Variants in CDH26 observed in about 807,000 individuals in gnomAD.
The protein encoded by CDH26 is cadherin-like protein 26.
CDH26 carries 83 observed loss-of-function variants against 90.3 expected under a neutral mutation model. The observed-to-expected ratio is 0.92, with a 90% CI of 0.77 to 1.10. The LOEUF (loss-of-function observed/expected upper bound fraction) is 1.10. Among genes scored for constraint, CDH26 ranks in the 50% least tolerant of loss-of-function variants. The probability of loss-of-function intolerance (pLI) is 0.00; values close to 1 mark genes in which losing one functional copy is unlikely to be tolerated. For synonymous variants in CDH26, 397 were observed against 396.3 expected (o/e 1.00, Z -0.02); for missense variants, 1,013 against 1,037.6 (o/e 0.98, Z 0.33).
intron 7 of CDH26, among the ~76,000 whole-genome samples, chr20:60,021,849 TACACACACACACACACACACACAC>T (rs757813328): frequency 9.4e-5 from 4 of 42,630 alleles, no homozygotes; most frequent in Admixed American, 3.3e-4. Flanking sequence ...TCCTTATCTG[TACACACACACACACACACACACAC>T]ACACACACAC....
At chr20:60,010,338 A>G (rs541508138) in intron 17 of CDH26, among the ~76,000 whole-genome samples, 1 of 152,208 alleles carries the variant, frequency 6.6e-6, no homozygotes, top group African/African-American at 2.4e-5. Flanking sequence ...GACTGTTTTC[A>G]TGCCCTACAT....
intron 7 of CDH26, among the ~76,000 whole-genome samples, chr20:60,021,883 C>CAT (rs1192514496): frequency 0.013 from 858 of 65,518 alleles, 46 homozygotes; most frequent in South Asian, 0.025. Flanking sequence ...CACACACACA[C>CAT]ACACACACAC....
rs369382469 is a variant in CDH26, at chr20:59,958,796, G to C, written c.69+1G>C. The C allele has an allele frequency of 1.9e-6, 3 of 1,613,232 alleles. No homozygotes were observed. The African/African-American group carries it at 4.0e-5, about 22-fold the overall frequency. On this transcript the variant is annotated splice_donor_variant, in intron 1 of 17. Coordinates refer to ENST00000348616, the MANE Select transcript of CDH26 (RefSeq NM_177980.4). LOFTEE classifies it high-confidence loss of function. Reference sequence around the variant, plus strand: ...AGTGCTGCTGCTGTGGCTGCTGCAGGTAAGCTGAGCCTGCAGCCTAGTGCT... The same window carrying C: ...AGTGCTGCTGCTGTGGCTGCTGCAGCTAAGCTGAGCCTGCAGCCTAGTGCT...
At chr20:60,033,557 G>A (rs2062060573) in exon 9 of CDH26, 2 of 1,304,378 alleles carry the variant, frequency 1.5e-6, no homozygotes, top group Non-Finnish European at 2.0e-6. Flanking sequence ...AAATGAACAA[G>A]GTGGGGTTCG....
chr20:59,987,556 A>G lies in CDH26; in HGVS notation c.941A>G (p.Asn314Ser). 6.2e-7 allele frequency: 1 copy of G among 1,614,040 alleles called. No homozygotes were observed. The highest frequency in any genetic ancestry group is 8.5e-7 in the Non-Finnish European group (1 of 1,179,918). ...PFTSAWRAKFNILHGNEEGHF... is the reference protein window; with the variant it reads ...PFTSAWRAKFSILHGNEEGHF... ...ACATCAGCTTGGAGAGCAAAATTCA[A>G]CATATTGCATGGCAATGAAGAGGGG... is the stretch of plus-strand genomic sequence containing the variant. Residue 314 changes from asparagine to serine, a missense_variant, in exon 8 of 18, where the codon AAC becomes AGC. Transcript: ENST00000348616.
At chr20:60,019,558 A>T (rs1053011459) in intron 7 of CDH26, among the ~76,000 whole-genome samples, 6 of 152,136 alleles carry the variant, frequency 3.9e-5, no homozygotes, top group Admixed American at 2.0e-4. Context: ...CTTTTTAATT[A>T]TATCTACCTT....
rs76758231 is a variant in CDH26, at chr20:60,001,379, T to G, written c.2134T>G (p.Ser712Ala). Residue 712 changes from serine to alanine, a missense_variant, in exon 15 of 18, where the codon TCA becomes GCA. Transcript: ENST00000348616. The stretch of plus-strand genomic sequence containing the variant: ...AGTGCCTCCATCTGCAGCGAGTCAG[T>G]CAGCCCAAGCACGCTGTGCTCTGGG... Reference protein sequence around the residue: ...EEVPPSAASQSAQARCALGSW... With the variant: ...EEVPPSAASQAAQARCALGSW... The G allele has an allele frequency of 2.0e-3, 3,259 of 1,614,070 alleles. 68 individuals are homozygous for G. The African/African-American group carries it at 0.039, about 19-fold the overall frequency.
chr20:60,015,631 A>G (rs529263613), downstream of CDH26, among the ~76,000 whole-genome samples: 3 of 152,002 alleles, frequency 2.0e-5, no homozygotes, highest in South Asian at 4.2e-4. Flanking sequence ...CGTTTGATAT[A>G]ATCCTATTTG....
chr20:59,996,015 G>A lies in CDH26; in HGVS notation c.1849G>A (p.Ala617Thr), dbSNP rs781357009. The change falls in exon 12 of 18, where the codon GCC becomes ACC. Residue 617 changes from alanine to threonine, a missense_variant. Coordinates refer to ENST00000348616, the MANE Select transcript of CDH26 (RefSeq NM_177980.4). The part of the protein sequence containing the change: ...ADAEVGLHVG[A>T]LFPVCAAFVA... Reference sequence around the variant, plus strand: ...TGCAGAAGTGGGGCTTCATGTGGGGGCCCTGTTCCCTGTCTGTGCAGCATT... The same window carrying A: ...TGCAGAAGTGGGGCTTCATGTGGGGACCCTGTTCCCTGTCTGTGCAGCATT... 6.2e-7 allele frequency: 1 copy of A among 1,613,948 alleles called. No homozygotes were observed.
At chr20:59,995,735 T>C (rs1203498813) in intron 11 of CDH26, 98 bp from the exon 12 acceptor site, 4 of 1,103,606 alleles carry the variant, frequency 3.6e-6, no homozygotes, top group East Asian at 4.8e-5. Flanking sequence ...CTTACTTTCA[T>C]ACAGAGCTTG....
intron 7 of CDH26, 78 bp downstream of exon 7, chr20:59,985,207 G>C: frequency 6.5e-7 from 1 of 1,546,348 alleles, no homozygotes; most frequent in Non-Finnish European, 8.8e-7. Flanking sequence ...TTTTCTCAGA[G>C]AGGGTGTTAG....
At chr20:60,011,507 T>G (rs1238726261) in intron 17 of CDH26, among the ~76,000 whole-genome samples, 1 of 152,226 alleles carries the variant, frequency 6.6e-6, no homozygotes, top group Non-Finnish European at 1.5e-5. Flanking sequence ...CATCTAATGA[T>G]GCAGGGGTCA....
chr20:59,990,896 G>C (rs1377035426), intron 9 of CDH26, among the ~76,000 whole-genome samples: 2 of 150,312 alleles, frequency 1.3e-5, no homozygotes, highest in Admixed American at 6.6e-5. Context: ...TTGAGATGGA[G>C]TCTCTCTCTT....
chr20:60,015,684 A>T (rs115614280), downstream of CDH26, among the ~76,000 whole-genome samples: 933 of 152,276 alleles, frequency 6.1e-3, 12 homozygotes, highest in African/African-American at 0.021. Context: ...GGTCTTACTC[A>T]TAAGTTTTTT....
intron 7 of CDH26, among the ~76,000 whole-genome samples, chr20:59,986,471 A>G (rs1050919285): frequency 1.3e-5 from 2 of 152,250 alleles, no homozygotes; most frequent in African/African-American, 4.8e-5. Flanking sequence ...AATATCCACC[A>G]TATTTCCTTT....
exon 8 of CDH26, chr20:60,031,257 C>T (rs2122801130): frequency 8.0e-7 from 1 of 1,242,970 alleles, no homozygotes; most frequent in Non-Finnish European, 1.0e-6. Flanking sequence ...GCTTCAGCCT[C>T]AGCAGGGGCT....
At chr20:59,972,757 T>C (rs545835036) in intron 4 of CDH26, among the ~76,000 whole-genome samples, 14 of 152,238 alleles carry the variant, frequency 9.2e-5, no homozygotes, top group Non-Finnish European at 1.8e-4. Context: ...TGCTGGGAAC[T>C]GGGCTTGGTT....
intron 17 of CDH26, among the ~76,000 whole-genome samples, chr20:60,008,497 G>T (rs2061783878): frequency 6.6e-6 from 1 of 152,178 alleles, no homozygotes; most frequent in South Asian, 2.1e-4. Context: ...CAACTCTGTG[G>T]ACCCTGCTGT....
intron 6 of CDH26, 21 bp downstream of exon 6, chr20:59,984,826 T>A (rs1392998929): frequency 1.9e-6 from 3 of 1,591,860 alleles, no homozygotes; most frequent in Non-Finnish European, 2.6e-6. Context: ...TTTTATTATT[T>A]TTTTTAAATG....
Sources: allele counts gnomAD v4.1 joint callset (sites outside exome capture counted in the v4.1 genomes callset), GRCh38; gene constraint gnomAD v4.1.1; transcripts MANE v1.5; gene names NCBI Gene and HGNC (gene_info 2026-07-23, HGNC 2026-07-21).